ZBTB20: variants seen among roughly 807,000 people sequenced by gnomAD.
The protein encoded by ZBTB20 is zinc finger and BTB domain containing 20.
In ZBTB20, 9 loss-of-function variants were observed where a neutral mutation model predicts 56.9. The observed-to-expected ratio is 0.16, with a 90% CI of 0.10 to 0.28. ZBTB20 has a LOEUF of 0.28. Ranked by LOEUF, ZBTB20 falls within the 10% of genes least tolerant of loss-of-function variation. The pLI, the probability that ZBTB20 is intolerant of heterozygous loss-of-function variation, is 1.00. For missense variants in ZBTB20, 655 were observed against 1,003.0 expected (o/e 0.65, Z 4.69); for synonymous variants, 417 against 420.7 (o/e 0.99, Z 0.11).
At chr3:114,427,798 G>C (rs563658398) in intron 7 of ZBTB20, among the ~76,000 whole-genome samples, 86 of 152,196 alleles carry the variant, frequency 5.7e-4, no homozygotes, top group Non-Finnish European at 1.6e-4. Context: ...TTTTTCTTCA[G>C]AAACGTGGAG....
chr3:114,442,486 G>A (rs2090996153), intron 7 of ZBTB20, among the ~76,000 whole-genome samples: 2 of 152,090 alleles, frequency 1.3e-5, no homozygotes, highest in South Asian at 4.1e-4. Context: ...GTAACAGCAA[G>A]TGCACACACA....
In ZBTB20 at chr3:114,325,160, C is replaced by G. The variant is rs2079022513; in HGVS notation, c.*13845G>C. On this transcript the variant is annotated 3_prime_UTR_variant, in exon 12 of 12. Coordinates refer to ENST00000675478, the MANE Select transcript of ZBTB20 (RefSeq NM_001348800.3). ...ATTTTAATTAGATATATGCAAATTA[C>G]CCTTAATTTATATCTCAATAGGCTC... The G allele has an allele frequency of 6.6e-6, 1 of 152,048 alleles. No homozygotes were observed. The highest frequency in any genetic ancestry group is 2.4e-5 in the African/African-American group (1 of 41,390). The allele number at this position is 152,048 out of a possible 1,614,324, so 9.4% of individuals were successfully genotyped here.
At chr3:114,441,258 A>G (rs1360614010) in intron 7 of ZBTB20, among the ~76,000 whole-genome samples, 1 of 152,182 alleles carries the variant, frequency 6.6e-6, no homozygotes, top group Non-Finnish European at 1.5e-5. Flanking sequence ...TATAATAAAT[A>G]GTTCTGAATT....
chr3:114,763,311 G>C (rs563740353), intron 5 of ZBTB20, among the ~76,000 whole-genome samples: 1 of 152,280 alleles, frequency 6.6e-6, no homozygotes, highest in South Asian at 2.1e-4. Flanking sequence ...CAGAAAACTA[G>C]TCATGGCTAG....
At chr3:114,701,515 T>A (rs1453900514) in intron 5 of ZBTB20, among the ~76,000 whole-genome samples, 2 of 152,196 alleles carry the variant, frequency 1.3e-5, no homozygotes, top group African/African-American at 4.8e-5. Flanking sequence ...ACATACTACA[T>A]GACATATATT....
intron 2 of ZBTB20, among the ~76,000 whole-genome samples, chr3:115,007,985 A>G (rs1483664509): frequency 1.3e-5 from 2 of 151,676 alleles, no homozygotes; most frequent in African/African-American, 2.4e-5. Flanking sequence ...TTGACCCTAT[A>G]TATGGGTTCT....
chr3:115,043,721 C>T (rs2081236796), intron 2 of ZBTB20, among the ~76,000 whole-genome samples: 1 of 152,028 alleles, frequency 6.6e-6, no homozygotes, highest in South Asian at 2.1e-4. Context: ...TTTTACTCCA[C>T]ATTTTCTTTG....
At chr3:114,963,086 A>C (rs2077515601) in intron 3 of ZBTB20, among the ~76,000 whole-genome samples, 2 of 151,964 alleles carry the variant, frequency 1.3e-5, no homozygotes, top group South Asian at 4.2e-4. Flanking sequence ...TTTATAAAAT[A>C]AATTTACATA....
chr3:114,934,582 T>C (rs1187570318), intron 3 of ZBTB20, among the ~76,000 whole-genome samples: 4 of 152,198 alleles, frequency 2.6e-5, no homozygotes, highest in African/African-American at 7.2e-5. Context: ...AGAGTAACTT[T>C]AGTGGAAGCT....
rs574396116 is a variant in ZBTB20 at position 114,800,149 on chromosome 3, T to A, written c.-343+952A>T. ...AACTGTAAAACTGAGGAAGACATCA[T>A]AAGCTTCTGGATTTTATTACCAAAA... On this transcript the variant is annotated intron_variant, in intron 5 of 11. Coordinates refer to ENST00000675478, the MANE Select transcript of ZBTB20 (RefSeq NM_001348800.3). Among the ~76,000 whole-genome samples the A allele has an allele frequency of 2.0e-4, 30 of 152,106 alleles. No individual in the cohort carries two copies. In the South Asian group the frequency reaches 5.4e-3, roughly 27 times the overall value.
intron 6 of ZBTB20, among the ~76,000 whole-genome samples, chr3:114,546,928 C>A (rs746832091): frequency 5.2e-4 from 79 of 152,104 alleles, no homozygotes; most frequent in Non-Finnish European, 1.9e-4. Flanking sequence ...AAAGCATAAA[C>A]AAAGGCATGG....
intron 2 of ZBTB20, among the ~76,000 whole-genome samples, chr3:115,027,806 A>G (rs905052170): frequency 6.6e-6 from 1 of 150,866 alleles, no homozygotes; most frequent in Non-Finnish European, 1.5e-5. Flanking sequence ...ATACATTTTC[A>G]AAATTGACTC....
chr3:114,343,310 C>T (rs2079932587), intron 11 of ZBTB20, among the ~76,000 whole-genome samples: 2 of 152,166 alleles, frequency 1.3e-5, no homozygotes, highest in African/African-American at 4.8e-5. Flanking sequence ...ACTTATTCTA[C>T]TGATTTTTTT....
chr3:115,076,689 C>T (rs894416952), intron 1 of ZBTB20, among the ~76,000 whole-genome samples: 4 of 152,150 alleles, frequency 2.6e-5, no homozygotes, highest in Non-Finnish European at 5.9e-5. Context: ...TAAAAATAAA[C>T]AGGTAAGACT....
intron 7 of ZBTB20, among the ~76,000 whole-genome samples, chr3:114,415,794 A>AT (rs2088486622): frequency 6.6e-6 from 1 of 152,074 alleles, no homozygotes; most frequent in African/African-American, 2.4e-5. Context: ...TCTCACTGAC[A>AT]TTGAGTCAGT....
At chr3:114,461,746 G>A (rs540734408) in intron 7 of ZBTB20, among the ~76,000 whole-genome samples, 16 of 152,312 alleles carry the variant, frequency 1.1e-4, no homozygotes, top group Admixed American at 5.9e-4. Context: ...TGTTAGACAC[G>A]TAACTTATTG....
At chr3:114,759,752 T>C (rs1046354394) in intron 5 of ZBTB20, among the ~76,000 whole-genome samples, 9 of 152,184 alleles carry the variant, frequency 5.9e-5, no homozygotes. Flanking sequence ...GATTTGTTCA[T>C]GCATTCTATG....
chr3:114,604,825 A>G (rs1560024437), intron 6 of ZBTB20, among the ~76,000 whole-genome samples: 1 of 152,178 alleles, frequency 6.6e-6, no homozygotes, highest in South Asian at 2.1e-4. Context: ...ATATAAAATG[A>G]CATTAGTGTT....
intron 5 of ZBTB20, among the ~76,000 whole-genome samples, chr3:114,748,281 T>TTCTTG (rs201183730): frequency 1.9e-5 from 1 of 52,998 alleles, no homozygotes; most frequent in Admixed American, 1.8e-4. Flanking sequence ...TGTTGTAGCT[T>TTCTTG]CTTTCTTTCT....
Sources: gnomAD v4.1 joint callset for allele counts (sites outside exome capture counted in the v4.1 genomes callset) on GRCh38, gnomAD v4.1.1 for gene constraint, MANE v1.5 for transcripts, NCBI Gene and HGNC (gene_info 2026-07-23, HGNC 2026-07-21) for gene names.